The following IFT57 variants were observed in gnomAD, a reference collection of about 807,000 sequenced individuals.
IFT57 encodes intraflagellar transport protein 57 homolog.
In IFT57, 59 loss-of-function variants were observed where a neutral mutation model predicts 56.8. That is an observed-to-expected ratio of 1.04 (90% confidence interval 0.84 to 1.29). IFT57 has a LOEUF of 1.29. Ranked by LOEUF, IFT57 falls within the 50% of genes most tolerant of loss-of-function variation. IFT57 has a pLI of 0.00. For synonymous variants in IFT57, 209 were observed against 186.1 expected, an observed-to-expected ratio of 1.12 and a Z score of -1.00; for missense variants, 470 against 522.1, an observed-to-expected ratio of 0.90 and a Z score of 0.97.
chr3:108,165,834 G>A (rs2080059524), intron 8 of IFT57, among the ~76,000 whole-genome samples: 1 of 152,036 alleles, frequency 6.6e-6, no homozygotes, highest in Non-Finnish European at 1.5e-5. Flanking sequence ...GCTCCGCAGA[G>A]AAAGTCCGTT....
chr3:108,222,318 G>A lies in IFT57; in HGVS notation c.5C>T (p.Thr2Ile). 1 of 1,610,060 alleles carries A rather than the reference G, an allele frequency of 6.2e-7. No homozygotes were observed. The highest frequency in any genetic ancestry group is 8.5e-7 in the Non-Finnish European group (1 of 1,177,974). The change falls in exon 1 of 11, where the codon ACT becomes ATT. Residue 2 changes from threonine (T) to isoleucine (I), a missense_variant. Transcript: ENST00000264538. The part of the protein sequence containing the change: M[T>I]AALAVVTTSG... ...CGTCGTGACGACGGCCAGAGCAGCAGTCATCGCAGAACGGACAGAGTCCAG... is the reference window on the plus strand; with the variant it reads ...CGTCGTGACGACGGCCAGAGCAGCAATCATCGCAGAACGGACAGAGTCCAG...
intron 6 of IFT57, among the ~76,000 whole-genome samples, chr3:108,180,787 C>T (rs2080147627): frequency 6.6e-6 from 1 of 151,844 alleles, no homozygotes; most frequent in Non-Finnish European, 1.5e-5. Context: ...ATAGCAAGGT[C>T]CATATGACAA....
chr3:108,166,798 T>C, intron 8 of IFT57, 56 bp downstream of exon 8: 1 of 1,473,104 alleles, frequency 6.8e-7, no homozygotes, highest in African/African-American at 1.4e-5. Flanking sequence ...TTGTGTCAAG[T>C]TTAGGGTTTA....
At chr3:108,188,195 G>A (rs2080195489) in intron 6 of IFT57, among the ~76,000 whole-genome samples, 1 of 152,120 alleles carries the variant, frequency 6.6e-6, no homozygotes, top group Admixed American at 6.5e-5. Flanking sequence ...GGTCGACCAC[G>A]ATGCTGGAGT....
intron 3 of IFT57, among the ~76,000 whole-genome samples, chr3:108,214,754 T>A (rs1311803841): frequency 6.6e-6 from 1 of 152,166 alleles, no homozygotes; most frequent in Non-Finnish European, 1.5e-5. Context: ...TCTTTTTAGG[T>A]GAAATGTCTA....
chr3:108,162,481 T>TA lies in IFT57; in HGVS notation c.1285dup (p.Tyr429LeufsTer12), dbSNP rs747262059. The TA allele has an allele frequency of 1.3e-6, 2 of 1,595,390 alleles. No homozygotes were observed. Among genetic ancestry groups the TA allele is most frequent in the Non-Finnish European group, 1.7e-6 (2 of 1,170,354 alleles). ...AAACATGAAAACCAGTATGTTTTAA[T>TA]AAAAGCCTGTTGCTGGTTCTGGAAT... On this transcript the variant is annotated frameshift_variant, in exon 11 of 11. Transcript: ENST00000264538. LOFTEE classifies it high-confidence loss of function.
chr3:108,179,269 C>T (rs1399469655), intron 6 of IFT57, among the ~76,000 whole-genome samples: 1 of 151,800 alleles, frequency 6.6e-6, no homozygotes, highest in African/African-American at 2.4e-5. Context: ...AGTGACAAGT[C>T]TTGAGATTTC....
At chr3:108,186,417 G>A (rs2080182667) in intron 6 of IFT57, among the ~76,000 whole-genome samples, 1 of 151,896 alleles carries the variant, frequency 6.6e-6, no homozygotes, top group Admixed American at 6.6e-5. Context: ...GAATTAATAG[G>A]AGATGATTTG....
At chr3:108,199,322 A>G (rs1210927046) in intron 5 of IFT57, among the ~76,000 whole-genome samples, 1 of 152,244 alleles carries the variant, frequency 6.6e-6, no homozygotes, top group Non-Finnish European at 1.5e-5. Flanking sequence ...TGAGAAAGAC[A>G]AGTATGTTTT....
rs952774358 is a variant in IFT57, at chr3:108,219,418, G to A, written c.367C>T (p.Arg123Trp). The A allele has an allele frequency of 1.9e-6, 3 of 1,612,640 alleles. No individual in the cohort carries two copies. The highest frequency in any genetic ancestry group is 2.5e-6 in the Non-Finnish European group (3 of 1,178,952). The change falls in exon 2 of 11, where the codon CGG becomes TGG. Residue 123 changes from arginine (R) to tryptophan (W), a missense_variant. By Grantham distance (101) the Arg-to-Trp change is moderately radical. Coordinates refer to ENST00000264538, the MANE Select transcript of IFT57 (RefSeq NM_018010.4). ...GGGTCGTTTACACTTACAAATGACC[G>A]AAGCTCGGATAGTATGTTAGATATT... is the stretch of plus-strand genomic sequence containing the variant. The part of the protein sequence containing the change: ...ATISNILSEL[R>W]SFGRTADFPP...
intron 5 of IFT57, among the ~76,000 whole-genome samples, chr3:108,203,635 T>A (rs555252116): frequency 1.3e-5 from 2 of 152,234 alleles, no homozygotes; most frequent in African/African-American, 2.4e-5. Context: ...TATTCAGGCA[T>A]GTATTCATAC....
chr3:108,181,627 T>C (rs1447658780), intron 6 of IFT57, among the ~76,000 whole-genome samples: 3 of 152,146 alleles, frequency 2.0e-5, no homozygotes, highest in African/African-American at 7.2e-5. Flanking sequence ...TTTTTGATTA[T>C]AGCAGGTGTT....
intron 6 of IFT57, among the ~76,000 whole-genome samples, chr3:108,186,543 A>G (rs2080184201): frequency 6.6e-6 from 1 of 152,216 alleles, no homozygotes; most frequent in Non-Finnish European, 1.5e-5. Flanking sequence ...TGATTATTCA[A>G]GACTACTTTG....
intron 6 of IFT57, among the ~76,000 whole-genome samples, chr3:108,182,351 A>G (rs2080155663): frequency 6.6e-6 from 1 of 152,068 alleles, no homozygotes; most frequent in African/African-American, 2.4e-5. Context: ...TTGGCTTCCA[A>G]TTCTAAGAGA....
At chr3:108,219,218 TAA>T (rs1333697204) in intron 2 of IFT57, among the ~76,000 whole-genome samples, 190 bp downstream of exon 2, 1 of 152,120 alleles carries the variant, frequency 6.6e-6, no homozygotes, top group Non-Finnish European at 1.5e-5. Flanking sequence ...TTTGGACTAA[TAA>T]AGAGTATATA....
intron 1 of IFT57, among the ~76,000 whole-genome samples, chr3:108,220,637 TA>T (rs2080400834): frequency 6.6e-6 from 1 of 152,194 alleles, no homozygotes; most frequent in African/African-American, 2.4e-5. Context: ...TGAACACCAA[TA>T]GATACTGTAA....
rs752592683 is a variant in IFT57, at chr3:108,191,569, C to T, written c.729G>A (p.Val243=). The change falls in exon 6 of 11, where the codon GTG becomes GTA. Residue 243 remains valine, a synonymous_variant. Coordinates refer to ENST00000264538, the MANE Select transcript of IFT57 (RefSeq NM_018010.4). ...TTDAAEWSLE[V]ERVLPQLKVT... is the part of the protein sequence containing the mutation. ...CTTTCAGTTGCGGTAGTACACGTTCCACTTCTAGGCTCCATTCTGCAGCAT... is the reference window on the plus strand; with the variant it reads ...CTTTCAGTTGCGGTAGTACACGTTCTACTTCTAGGCTCCATTCTGCAGCAT... 2.5e-6 allele frequency: 4 copies of T among 1,609,626 alleles called. No homozygotes were observed. The highest frequency in any genetic ancestry group is 2.7e-5 in the African/African-American group (2 of 74,754).
Position 108,219,547 on chromosome 3 carries a change from G to A in IFT57, c.238C>T (p.Pro80Ser). ...SRHYFALPTN[P>S]GEQFYMFCTL... ...CAAAACATGTAGAACTGTTCGCCAG[G>A]GTTGGTAGGCAGTGCAAAATAGTGT... The change falls in exon 2 of 11, where the codon CCT (proline) becomes TCT (serine). Residue 80 changes from proline (P) to serine (S), a missense_variant. Transcript: ENST00000264538. 1.2e-6 allele frequency: 2 copies of A among 1,613,944 alleles called. No homozygotes were observed. Among genetic ancestry groups the A allele is most frequent in the South Asian group, 2.2e-5 (2 of 91,066 alleles).
chr3:108,198,028 C>T (rs1467457173), intron 5 of IFT57, among the ~76,000 whole-genome samples: 1 of 152,140 alleles, frequency 6.6e-6, no homozygotes, highest in Non-Finnish European at 1.5e-5. Flanking sequence ...AAACACGGTA[C>T]TAGATGCTTT....
Sources: allele counts gnomAD v4.1 joint callset (sites outside exome capture counted in the v4.1 genomes callset), GRCh38; gene constraint gnomAD v4.1.1; transcripts MANE v1.5; gene names NCBI Gene and HGNC (gene_info 2026-07-23, HGNC 2026-07-21).